The following ASAP1 variants were observed in gnomAD, a reference collection of about 807,000 sequenced individuals.
ASAP1 encodes ArfGAP with SH3 domain, ankyrin repeat and PH domain 1.
Under a neutral mutation model 145.2 loss-of-function variants are expected in ASAP1, and 43 were observed. The observed-to-expected ratio is 0.30, with a 90% CI of 0.23 to 0.38. The LOEUF is 0.38. Ranked by LOEUF, ASAP1 falls within the 10% of genes least tolerant of loss-of-function variation. ASAP1 has a pLI of 1.00. For synonymous variants in ASAP1, 546 were observed against 515.5 expected (o/e 1.06, Z -0.80); for missense variants, 1,018 against 1,355.3 (o/e 0.75, Z 3.91).
chr8:130,348,305 A>C (rs970231470), intron 3 of ASAP1, among the ~76,000 whole-genome samples: 4 of 152,214 alleles, frequency 2.6e-5, no homozygotes, highest in African/African-American at 9.6e-5. Context: ...TTTCTATAAT[A>C]GTTGGTGCCA....
rs1486127973 is a variant in ASAP1, at chr8:130,276,726, A to ACTCTCTCT, written c.187-39733_187-39732insAGAGAGAG. ...CACACACACACACACACACACACAC[A>ACTCTCTCT]CACTCTCTCTCTCTCTCTCTCTCTC... is the stretch of plus-strand genomic sequence containing the variant. On this transcript the variant is annotated intron_variant, in intron 3 of 29. Coordinates refer to ENST00000518721, the MANE Select transcript of ASAP1 (RefSeq NM_018482.4). Among the ~76,000 whole-genome samples the ACTCTCTCT allele has an allele frequency of 6.3e-4, 58 of 91,814 alleles. 2 individuals carry two copies. Among genetic ancestry groups the ACTCTCTCT allele is most frequent in the African/African-American group, 1.5e-3 (41 of 27,750 alleles). The allele number at this position is 91,814 out of a possible 152,430, so 60.2% of individuals were successfully genotyped here. A position where few individuals can be genotyped will look rare whatever the true frequency, so the allele number is the denominator to read the frequency against.
intron 24 of ASAP1, among the ~76,000 whole-genome samples, chr8:130,101,039 C>T (rs1277843586): frequency 6.6e-6 from 1 of 152,162 alleles, no homozygotes; most frequent in East Asian, 1.9e-4. Context: ...AAAGAAGGAT[C>T]CTTTCCCCAA....
chr8:130,258,207 C>T (rs776107676), intron 3 of ASAP1, among the ~76,000 whole-genome samples: 47 of 152,106 alleles, frequency 3.1e-4, no homozygotes, highest in Non-Finnish European at 1.2e-4. Context: ...CGTTAGGGCA[C>T]GTTTAGATGC....
chr8:130,341,605 A>C (rs1416533419), intron 3 of ASAP1, among the ~76,000 whole-genome samples: 1 of 152,204 alleles, frequency 6.6e-6, no homozygotes, highest in Non-Finnish European at 1.5e-5. Flanking sequence ...GGCACCTCTT[A>C]AGTAGTCTCT....
chr8:130,199,396 G>A (rs572668181), intron 5 of ASAP1, among the ~76,000 whole-genome samples: 9 of 152,288 alleles, frequency 5.9e-5, no homozygotes, highest in East Asian at 1.9e-4. Context: ...AGTTTTGGTC[G>A]TCCTGGAGTG....
At chr8:130,103,078 A>G (rs1592805313) in intron 24 of ASAP1, among the ~76,000 whole-genome samples, 2 of 152,002 alleles carry the variant, frequency 1.3e-5, no homozygotes, top group South Asian at 2.1e-4. Context: ...GCTTTTTATT[A>G]CTGATTCAAT....
At position 130,053,738 on chromosome 8, in the gene ASAP1, C is replaced by T. The variant is rs909174417; in HGVS notation, c.*993G>A. The stretch of plus-strand genomic sequence containing the variant: ...TAAAAAATGGATGCAATGGATGCTT[C>T]AACACATCTGAGAGATGTGCATTCA... On this transcript the variant is annotated 3_prime_UTR_variant, in exon 30 of 30. Coordinates refer to ENST00000518721, the MANE Select transcript of ASAP1 (RefSeq NM_018482.4). 5 of 152,220 alleles carry T rather than the reference C, an allele frequency of 3.3e-5. No homozygotes were observed. The highest frequency in any genetic ancestry group is 5.9e-5 in the Non-Finnish European group (4 of 68,042). 9.4% of individuals were successfully genotyped at this position (152,220 alleles called of 1,614,324 possible).
chr8:130,214,136 A>G (rs1816747777), intron 5 of ASAP1, among the ~76,000 whole-genome samples: 1 of 152,232 alleles, frequency 6.6e-6, no homozygotes, highest in Non-Finnish European at 1.5e-5. Context: ...CAAGTGAGAT[A>G]TAATACTTTC....
intron 2 of ASAP1, among the ~76,000 whole-genome samples, chr8:130,392,999 GTCACTTCC>G (rs1421226471): frequency 6.6e-6 from 1 of 151,912 alleles, no homozygotes; most frequent in Non-Finnish European, 1.5e-5. Flanking sequence ...CAGAAATTAA[GTCACTTCC>G]TCAAAAATAA....
chr8:130,085,735 TAAG>T (rs1245791124), intron 25 of ASAP1, among the ~76,000 whole-genome samples: 1 of 125,300 alleles, frequency 8.0e-6, no homozygotes, highest in East Asian at 2.4e-4. Context: ...ACGTTGTCTT[TAAG>T]AAAAAAAAAA....
intron 3 of ASAP1, among the ~76,000 whole-genome samples, chr8:130,256,078 C>A (rs188434120): frequency 6.6e-6 from 1 of 152,104 alleles, no homozygotes; most frequent in East Asian, 1.9e-4. Flanking sequence ...AGGGACCTAA[C>A]GATTCAATAT....
chr8:130,283,859 T>A (rs1241171541), intron 3 of ASAP1, among the ~76,000 whole-genome samples: 1 of 152,072 alleles, frequency 6.6e-6, no homozygotes, highest in African/African-American at 2.4e-5. Flanking sequence ...TAATGTCCAA[T>A]GAAGGGTAAG....
intron 3 of ASAP1, among the ~76,000 whole-genome samples, chr8:130,265,447 C>T (rs1461243875): frequency 6.6e-6 from 1 of 151,792 alleles, no homozygotes; most frequent in Non-Finnish European, 1.5e-5. Context: ...GTGGTACACA[C>T]CTACAGTCCC....
In ASAP1 at chr8:130,118,042, A is replaced by C. The variant is rs183263049; in HGVS notation, c.1880+119T>G. 7 of 737,782 alleles carry C rather than the reference A, an allele frequency of 9.5e-6. 1 individual carries two copies. The highest frequency in any genetic ancestry group is 2.6e-4 in the Middle Eastern group (1 of 3,898). 45.7% of individuals were successfully genotyped at this position (737,782 alleles called of 1,614,324 possible). A position where few individuals can be genotyped will look rare whatever the true frequency, so the allele number is the denominator to read the frequency against. On this transcript the variant is annotated intron_variant, in intron 20 of 29. Coordinates refer to ENST00000518721, the MANE Select transcript of ASAP1 (RefSeq NM_018482.4). ...GCCTGCAAAGCCAAAAATAATTTTT[A>C]TATCTAGCATGACACAGAAAAAGCT...
chr8:130,306,713 T>A (rs1365406838), intron 3 of ASAP1, among the ~76,000 whole-genome samples: 1 of 152,192 alleles, frequency 6.6e-6, no homozygotes. Context: ...ATATTTAGGG[T>A]AAACTTTAAG....
chr8:130,072,791 A>ATGTGTGTGTGTGTGTGTGTGTGTG lies in ASAP1; in HGVS notation c.2701+3556_2701+3557insCACACACACACACACACACACACA, dbSNP rs1491261390. 3.5e-3 allele frequency among the ~76,000 whole-genome samples: 315 copies of ATGTGTGTGTGTGTGTGTGTGTGTG among 91,132 alleles called. 15 individuals are homozygous for ATGTGTGTGTGTGTGTGTGTGTGTG. The highest frequency in any genetic ancestry group is 0.017 in the Middle Eastern group (3 of 172). 59.8% of individuals were successfully genotyped at this position (91,132 alleles called of 152,430 possible). On this transcript the variant is annotated intron_variant, in intron 27 of 29. Coordinates refer to ENST00000518721, the MANE Select transcript of ASAP1 (RefSeq NM_018482.4). ...TTCTGAAGGCCTGGACTTGCAATTGATATGTGTGTGTGTGTGTGTGTGTGT... is the reference window on the plus strand; with the variant it reads ...TTCTGAAGGCCTGGACTTGCAATTGATGTGTGTGTGTGTGTGTGTGTGTGTATGTGTGTGTGTGTGTGTGTGTGT...
chr8:130,172,318 T>TA (rs1283773825), intron 9 of ASAP1, among the ~76,000 whole-genome samples: 3 of 152,164 alleles, frequency 2.0e-5, no homozygotes, highest in Non-Finnish European at 2.9e-5. Flanking sequence ...CTTTATGCTT[T>TA]AAAAAAATGT....
chr8:130,264,319 G>A (rs1820115152), intron 3 of ASAP1, among the ~76,000 whole-genome samples: 1 of 152,160 alleles, frequency 6.6e-6, no homozygotes, highest in Admixed American at 6.5e-5. Context: ...AACGCTGCTG[G>A]GATCTATATA....
At chr8:130,222,259 A>T (rs531449739) in intron 4 of ASAP1, among the ~76,000 whole-genome samples, 1 of 149,750 alleles carries the variant, frequency 6.7e-6, no homozygotes, top group South Asian at 2.1e-4. Context: ...TCTAACTGAC[A>T]CTATGTGTTA....
Sources: allele counts gnomAD v4.1 joint callset (sites outside exome capture counted in the v4.1 genomes callset), GRCh38; gene constraint gnomAD v4.1.1; transcripts MANE v1.5; gene names NCBI Gene and HGNC (gene_info 2026-07-23, HGNC 2026-07-21).